FSHR: variants seen among roughly 807,000 people sequenced by gnomAD.
FSHR encodes the protein follicle-stimulating hormone receptor.
In FSHR, 46 loss-of-function variants were observed where a neutral mutation model predicts 52.1. The observed-to-expected ratio is 0.88, with a 90% CI of 0.70 to 1.13. FSHR has a LOEUF of 1.13. Ranked by LOEUF, FSHR falls within the 50% of genes most tolerant of loss-of-function variation. FSHR has a pLI of 0.00. For synonymous variants in FSHR, 399 were observed against 309.6 expected (o/e 1.29, Z -3.03); for missense variants, 964 against 834.6 (o/e 1.16, Z -1.91).
At chr2:49,011,290 A>G (rs943600413) in intron 4 of FSHR, among the ~76,000 whole-genome samples, 16 of 151,802 alleles carry the variant, frequency 1.1e-4, no homozygotes, top group African/African-American at 3.1e-4. Context: ...TTATGTACCC[A>G]CTAGTCATTC....
At chr2:49,123,307 C>T (rs1558453694) in intron 1 of FSHR, among the ~76,000 whole-genome samples, 1 of 152,018 alleles carries the variant, frequency 6.6e-6, no homozygotes, top group East Asian at 1.9e-4. Context: ...GGCAACATGG[C>T]AAAACCCTGT....
chr2:49,146,838 G>A (rs1350122788), intron 1 of FSHR, among the ~76,000 whole-genome samples: 8 of 151,908 alleles, frequency 5.3e-5, no homozygotes, highest in Admixed American at 5.3e-4. Flanking sequence ...AACTTTTGAG[G>A]TCCCTATTTC....
At chr2:49,077,102 T>C (rs953513197) in intron 1 of FSHR, among the ~76,000 whole-genome samples, 19 of 152,144 alleles carry the variant, frequency 1.2e-4, no homozygotes, top group Non-Finnish European at 2.6e-4. Context: ...TGTGTCAGGG[T>C]CCCACCACAT....
At chr2:48,976,798 A>G (rs761878624) in intron 8 of FSHR, among the ~76,000 whole-genome samples, 3 of 152,080 alleles carry the variant, frequency 2.0e-5, no homozygotes, top group African/African-American at 7.2e-5. Flanking sequence ...CTCTGATGGT[A>G]GTTTGTATTT....
intron 3 of FSHR, 151 bp from the exon 4 acceptor site, chr2:49,017,714 T>C (rs1667539173): frequency 1.4e-6 from 1 of 702,698 alleles, no homozygotes; most frequent in Admixed American, 2.0e-5. Context: ...ATCATTTCAA[T>C]AAATATTGAG....
chr2:49,090,466 G>A (rs964878954), intron 1 of FSHR, among the ~76,000 whole-genome samples: 3 of 152,166 alleles, frequency 2.0e-5, no homozygotes, highest in Non-Finnish European at 2.9e-5. Context: ...TTTTGCTGCT[G>A]AGTAGTATTC....
Position 49,080,539 on chromosome 2 carries a change from C to A in FSHR, c.153-12249G>T, listed in dbSNP as rs549814725. ...AGGAGTAAACTGAGCTGCATGCAAC[C>A]AGCTGGAAAAATTTCCAAAGTATAA... On this transcript the variant is annotated intron_variant, in intron 1 of 9. Coordinates refer to ENST00000406846, the MANE Select transcript of FSHR (RefSeq NM_000145.4). Among the ~76,000 whole-genome samples the A allele has an allele frequency of 2.5e-4, 38 of 152,072 alleles. 1 individual carries two copies. Among genetic ancestry groups the A allele is most frequent in the African/African-American group, 8.5e-4 (35 of 41,380 alleles).
intron 1 of FSHR, among the ~76,000 whole-genome samples, chr2:49,153,514 T>A (rs1374285386): frequency 2.6e-5 from 4 of 152,208 alleles, no homozygotes; most frequent in Non-Finnish European, 5.9e-5. Context: ...TCACGAGAGT[T>A]TGGAAAATCC....
chr2:49,050,264 C>T (rs541380766), intron 2 of FSHR, among the ~76,000 whole-genome samples: 1 of 152,188 alleles, frequency 6.6e-6, no homozygotes, highest in Non-Finnish European at 1.5e-5. Context: ...GCTCAGTTTG[C>T]AAACCCTTGT....
rs578027111 is a variant in FSHR at position 49,117,891 on chromosome 2, G to A, written c.152+36375C>T. Among the ~76,000 whole-genome samples, 5 of 152,288 alleles carry A rather than the reference G, an allele frequency of 3.3e-5. No homozygotes were observed. The East Asian group carries it at 7.7e-4, about 24-fold the overall frequency. ...GTGACAGTGATGCTCACCCATTGTAGCAAAGGGATAGAAAACCCAACATAA... is the reference window on the plus strand; with the variant it reads ...GTGACAGTGATGCTCACCCATTGTAACAAAGGGATAGAAAACCCAACATAA... On this transcript the variant is annotated intron_variant, in intron 1 of 9. Coordinates refer to ENST00000406846, the MANE Select transcript of FSHR (RefSeq NM_000145.4).
intron 2 of FSHR, among the ~76,000 whole-genome samples, chr2:49,023,903 T>G (rs1667828907): frequency 6.6e-6 from 1 of 152,174 alleles, no homozygotes; most frequent in African/African-American, 2.4e-5. Flanking sequence ...CATTATGAAA[T>G]TCCTTTCCTT....
intron 1 of FSHR, among the ~76,000 whole-genome samples, chr2:49,153,289 C>A (rs941891178): frequency 3.9e-5 from 6 of 152,164 alleles, no homozygotes; most frequent in African/African-American, 4.8e-5. Flanking sequence ...TGTTTAAAAT[C>A]CTTGCAATAA....
intron 1 of FSHR, among the ~76,000 whole-genome samples, chr2:49,086,570 C>T (rs143528365): frequency 1.3e-5 from 2 of 152,316 alleles, no homozygotes; most frequent in African/African-American, 2.4e-5. Context: ...GAAGATTTTT[C>T]ATACTATAAA....
At chr2:49,092,681 T>G (rs1670654894) in intron 1 of FSHR, among the ~76,000 whole-genome samples, 1 of 152,220 alleles carries the variant, frequency 6.6e-6, no homozygotes, top group Admixed American at 6.5e-5. Context: ...TTATTTTCAT[T>G]TTTGAGACGG....
chr2:49,152,159 G>C (rs1332118071), intron 1 of FSHR, among the ~76,000 whole-genome samples: 1 of 152,104 alleles, frequency 6.6e-6, no homozygotes, highest in East Asian at 1.9e-4. Flanking sequence ...ACACCTGGCA[G>C]GAACTTTCTT....
At chr2:49,044,984 T>G (rs143418370) in intron 2 of FSHR, among the ~76,000 whole-genome samples, 13 of 152,326 alleles carry the variant, frequency 8.5e-5, no homozygotes, top group Middle Eastern at 3.4e-3. Flanking sequence ...AGAGGGGCTT[T>G]TAGAAACTGC....
At chr2:49,015,789 G>A (rs1286169823) in intron 4 of FSHR, among the ~76,000 whole-genome samples, 2 of 152,142 alleles carry the variant, frequency 1.3e-5, no homozygotes, top group African/African-American at 4.8e-5. Flanking sequence ...TAATTTGTGG[G>A]ATGCTGTGTA....
At chr2:49,063,181 G>T (rs1669376180) in intron 2 of FSHR, among the ~76,000 whole-genome samples, 1 of 152,098 alleles carries the variant, frequency 6.6e-6, no homozygotes, top group Non-Finnish European at 1.5e-5. Context: ...GGGAGGATTT[G>T]CTCTGTCTTC....
At chr2:49,041,258 G>A (rs1053191076) in intron 2 of FSHR, among the ~76,000 whole-genome samples, 1 of 152,070 alleles carries the variant, frequency 6.6e-6, no homozygotes, top group African/African-American at 2.4e-5. Flanking sequence ...TATTTTTGTG[G>A]TGCTCATTTG....
Sources: allele counts gnomAD v4.1 joint callset (sites outside exome capture counted in the v4.1 genomes callset), GRCh38; gene constraint gnomAD v4.1.1; transcripts MANE v1.5; gene names NCBI Gene and HGNC (gene_info 2026-07-23, HGNC 2026-07-21).